The following CTSB variants were observed in gnomAD, a reference collection of about 807,000 sequenced individuals.
The protein encoded by CTSB is APP secretase.
CTSB carries 57 observed loss-of-function variants against 44.3 expected under a neutral mutation model. That is an observed-to-expected ratio of 1.29 (90% CI 1.04 to 1.60). The LOEUF is 1.60. Among genes scored for constraint, CTSB ranks in the 40% most tolerant of loss-of-function variants. CTSB has a pLI of 0.00. For missense variants in CTSB, 768 were observed against 443.0 expected (o/e 1.73, Z -6.59); for synonymous variants, 320 against 168.0 (o/e 1.91, Z -7.00).
At chr8:11,849,714 G>A (rs1228212406) in intron 4 of CTSB, 2 of 152,234 alleles carry the variant, frequency 1.3e-5, no homozygotes, top group African/African-American at 4.8e-5. Context: ...TATAGTAGCT[G>A]GGATTATAGG....
At chr8:11,850,599 G>A (rs1047330616) in intron 4 of CTSB, 10 of 304,556 alleles carry the variant, frequency 3.3e-5, no homozygotes, top group African/African-American at 1.3e-4. Flanking sequence ...ATTTGCGGAC[G>A]GGCCAGCATG....
rs552289862 is a variant in CTSB, at chr8:11,845,099, G to T, written c.*26C>A. 16 of 1,495,572 alleles carry T rather than the reference G, an allele frequency of 1.1e-5. No individual in the cohort carries two copies. In the Admixed American group the frequency reaches 2.5e-4, roughly 23 times the overall value. The allele number at this position is 1,495,572 out of a possible 1,614,324, so 92.6% of individuals were successfully genotyped here. ...ATTTCTACCCCGATCTCGCCCCCAG[G>T]ACTGGCACGACAGGCCCACGGCAGA... On this transcript the variant is annotated 3_prime_UTR_variant, in exon 10 of 10. Transcript: ENST00000353047.
At chr8:11,860,832 C>T (rs901155741) in intron 1 of CTSB, among the ~76,000 whole-genome samples, 3 of 152,130 alleles carry the variant, frequency 2.0e-5, no homozygotes, top group Admixed American at 6.6e-5. Context: ...TGGCACTCAC[C>T]GCTAATAACG....
At chr8:11,858,916 C>G (rs547762347) in intron 1 of CTSB, among the ~76,000 whole-genome samples, 1 of 152,172 alleles carries the variant, frequency 6.6e-6, no homozygotes, top group Non-Finnish European at 1.5e-5. Flanking sequence ...TCTGTGCTTT[C>G]TGCTCTGCTT....
intron 1 of CTSB, chr8:11,861,480 CTA>C (rs1816408257): frequency 1.3e-5 from 2 of 152,416 alleles, no homozygotes; most frequent in East Asian, 3.9e-4. Context: ...CTGAAGACAC[CTA>C]TGAGTGGAAT....
rs187444909 is a variant in CTSB at position 11,843,662 on chromosome 8, G to A, written c.*1463C>T. ...GTGGTTCCCCACGGGGTAGCATCTT[G>A]GTTATGTGAGATCACCAAGACACCA... On this transcript the variant is annotated 3_prime_UTR_variant, in exon 10 of 10. Transcript: ENST00000353047. 2 of 152,354 alleles carry A rather than the reference G, an allele frequency of 1.3e-5. No individual in the cohort carries two copies. Among genetic ancestry groups the A allele is most frequent in the Non-Finnish European group, 2.9e-5 (2 of 68,046 alleles). The allele number at this position is 152,354 out of a possible 1,614,324, so 9.4% of individuals were successfully genotyped here.
intron 1 of CTSB, among the ~76,000 whole-genome samples, chr8:11,866,459 G>A (rs1421956698): frequency 2.0e-5 from 3 of 152,242 alleles, no homozygotes; most frequent in African/African-American, 7.2e-5. Context: ...GACCAAAGAC[G>A]AAGGGAAGCC....
At chr8:11,847,932 G>T in intron 6 of CTSB, 110 bp from the exon 7 acceptor site, 2 of 1,408,820 alleles carry the variant, frequency 1.4e-6, no homozygotes, top group Middle Eastern at 2.2e-4. Flanking sequence ...TCCTGCCAGA[G>T]GCCTGTGCAC....
In CTSB at chr8:11,852,712, C is replaced by T; in HGVS notation, c.127-17G>A. The T allele has an allele frequency of 6.2e-7, 1 of 1,612,018 alleles. No individual in the cohort carries two copies. The highest frequency in any genetic ancestry group is 8.5e-7 in the Non-Finnish European group (1 of 1,178,612). On this transcript the variant is annotated splice_polypyrimidine_tract_variant and intron_variant, in intron 2 of 9. Coordinates refer to ENST00000353047, the MANE Select transcript of CTSB (RefSeq NM_001908.5). ...GTGCCCGGCCTGGAAGAGAGTCACC[C>T]ACTGACTGAAGGGTCTCCCGGGATG...
At chr8:11,863,398 A>C (rs887822494) in intron 1 of CTSB, among the ~76,000 whole-genome samples, 1 of 151,926 alleles carries the variant, frequency 6.6e-6, no homozygotes, top group African/African-American at 2.4e-5. Flanking sequence ...GGCGGAGGTT[A>C]CAGTGAGCCG....
At chr8:11,846,552 A>G (rs891892934) in intron 8 of CTSB, among the ~76,000 whole-genome samples, 7 of 152,212 alleles carry the variant, frequency 4.6e-5, no homozygotes, top group South Asian at 2.1e-4. Flanking sequence ...TGGAGTCCCT[A>G]TGGCACTACC....
At chr8:11,847,613 CGT>C in intron 7 of CTSB, 64 bp downstream of exon 7, 2 of 1,481,984 alleles carry the variant, frequency 1.3e-6, no homozygotes, top group Non-Finnish European at 1.8e-6. Flanking sequence ...TTCGCTGCAG[CGT>C]GAGGAGGGAT....
chr8:11,847,899 C>A, intron 6 of CTSB, 77 bp from the exon 7 acceptor site: 1 of 1,445,680 alleles, frequency 6.9e-7, no homozygotes, highest in Non-Finnish European at 9.2e-7. Flanking sequence ...AGCCTCGTGC[C>A]TGCAGCATGG....
chr8:11,854,514 G>T (rs1405640347), intron 1 of CTSB, among the ~76,000 whole-genome samples: 1 of 151,212 alleles, frequency 6.6e-6, no homozygotes, highest in African/African-American at 2.4e-5. Context: ...TTGAGACAGG[G>T]TCTTGGTCTG....
chr8:11,865,726 C>A (rs1025400639), intron 1 of CTSB: 1 of 151,410 alleles, frequency 6.6e-6, no homozygotes, highest in Non-Finnish European at 1.5e-5. Context: ...GAAAATTACC[C>A]CTCCACCGCG....
At position 11,847,560 on chromosome 8, in the gene CTSB, A is replaced by C. The variant is rs1042483580; in HGVS notation, c.676+119T>G. 4.4e-6 allele frequency: 5 copies of C among 1,134,186 alleles called. No homozygotes were observed. The African/African-American group carries it at 7.9e-5, about 18-fold the overall frequency. 70.3% of individuals were successfully genotyped at this position (1,134,186 alleles called of 1,614,324 possible). A position where few individuals can be genotyped will look rare whatever the true frequency, so the allele number is the denominator to read the frequency against. On this transcript the variant is annotated intron_variant, in intron 7 of 9. Coordinates refer to ENST00000353047, the MANE Select transcript of CTSB (RefSeq NM_001908.5). ...AAGAGGGCATCACTCCCCCTCCTCT[A>C]TCCTAGAGTTCCGGGACCCCAAGGC...
chr8:11,849,280 C>T (rs1554544482), intron 4 of CTSB, 116 bp from the exon 5 acceptor site: 3 of 685,890 alleles, frequency 4.4e-6, no homozygotes, highest in Admixed American at 2.5e-5. Flanking sequence ...GATCTCTCAA[C>T]ACCAGGGGAC....
At chr8:11,845,549 C>A in intron 9 of CTSB, 112 bp downstream of exon 9, 2 of 1,315,794 alleles carry the variant, frequency 1.5e-6, no homozygotes, top group Non-Finnish European at 2.1e-6. Flanking sequence ...CACAGCCTGG[C>A]CGTAGGTCCA....
rs748916366 is a variant in CTSB, at chr8:11,847,133, CCTT to C, written c.709_711del (p.Lys237del). On this transcript the variant is annotated inframe_deletion, in exon 8 of 10. Coordinates refer to ENST00000353047, the MANE Select transcript of CTSB (RefSeq NM_001908.5). The stretch of plus-strand genomic sequence containing the variant: ...TTTTTGTAGATCTCGGCCATGATGT[CCTT>C]CTCGCTATTGGAGACGCTGTAGGAA... 59 of 1,605,946 alleles carry C rather than the reference CCTT, an allele frequency of 3.7e-5. No homozygotes were observed. The highest frequency in any genetic ancestry group is 4.8e-5 in the Non-Finnish European group (56 of 1,176,282).
Sources: gnomAD v4.1 joint callset for allele counts (sites outside exome capture counted in the v4.1 genomes callset) on GRCh38, gnomAD v4.1.1 for gene constraint, MANE v1.5 for transcripts, NCBI Gene and HGNC (gene_info 2026-07-23, HGNC 2026-07-21) for gene names.